The following PHF20 variants were observed in gnomAD, a reference collection of about 807,000 sequenced individuals.
PHF20 encodes the protein PHD finger protein 20, also known as glioma-expressed antigen 2.
In PHF20, 23 loss-of-function variants were observed where a neutral mutation model predicts 113.5. That is an observed-to-expected ratio of 0.20 (90% CI 0.15 to 0.29). PHF20 has a LOEUF of 0.29. Ranked by LOEUF, PHF20 falls within the 10% of genes least tolerant of loss-of-function variation. PHF20 has a pLI of 1.00. For synonymous variants in PHF20, 434 were observed against 457.3 expected, an observed-to-expected ratio of 0.95 and a Z score of 0.65; for missense variants, 943 against 1,219.6, an observed-to-expected ratio of 0.77 and a Z score of 3.38.
chr20:35,801,666 T>TA (rs576049188), intron 2 of PHF20, 61 bp downstream of exon 2: 368 of 1,069,238 alleles, frequency 3.4e-4, no homozygotes, highest in Non-Finnish European at 4.4e-4. Flanking sequence ...CCAGCACTGA[T>TA]AGAGTGGTAG....
At chr20:35,872,025 T>A (rs2054431883) in intron 9 of PHF20, 196 bp downstream of exon 9, 2 of 381,858 alleles carry the variant, frequency 5.2e-6, no homozygotes, top group Admixed American at 4.5e-5. Context: ...ACTAGGGCTT[T>A]ATCTATTTTG....
At chr20:35,932,727 G>A (rs1462375285) in intron 15 of PHF20, among the ~76,000 whole-genome samples, 3 of 152,046 alleles carry the variant, frequency 2.0e-5, no homozygotes, top group East Asian at 3.9e-4. Flanking sequence ...CACTGCACCC[G>A]GCCCCATCTT....
chr20:35,847,960 G>A (rs943244967), intron 4 of PHF20, among the ~76,000 whole-genome samples: 2 of 152,228 alleles, frequency 1.3e-5, no homozygotes, highest in East Asian at 1.9e-4. Flanking sequence ...GACTAATAGA[G>A]GCTCAATTTT....
At chr20:35,896,284 G>T (rs764931985) in intron 9 of PHF20, among the ~76,000 whole-genome samples, 39 of 151,936 alleles carry the variant, frequency 2.6e-4, no homozygotes, top group Non-Finnish European at 4.4e-4. Flanking sequence ...AGGTTTAACA[G>T]GCTACCTGCT....
intron 1 of PHF20, among the ~76,000 whole-genome samples, chr20:35,781,302 TC>T (rs1453829170): frequency 6.6e-6 from 1 of 151,674 alleles, no homozygotes; most frequent in African/African-American, 2.4e-5. Flanking sequence ...CACCACCACA[TC>T]CGGCTAATTT....
At chr20:35,859,609 A>G (rs1042293764) in intron 5 of PHF20, among the ~76,000 whole-genome samples, 19 of 151,582 alleles carry the variant, frequency 1.3e-4, no homozygotes, top group African/African-American at 4.6e-4. Context: ...CAGTGGCGCA[A>G]TCTTGGCCCA....
chr20:35,801,775 G>C, intron 2 of PHF20, 170 bp downstream of exon 2: 1 of 555,412 alleles, frequency 1.8e-6, no homozygotes, highest in Non-Finnish European at 3.3e-6. Flanking sequence ...CAGTGTCAGG[G>C]TGACTGTCCT....
intron 10 of PHF20, among the ~76,000 whole-genome samples, chr20:35,910,937 G>T (rs908795394): frequency 1.3e-5 from 2 of 151,822 alleles, no homozygotes; most frequent in African/African-American, 4.8e-5. Context: ...TTTTCATTTT[G>T]CAGACTATTG....
intron 15 of PHF20, among the ~76,000 whole-genome samples, chr20:35,932,538 C>G (rs2055780219): frequency 6.8e-6 from 1 of 146,450 alleles, no homozygotes; most frequent in Non-Finnish European, 1.5e-5. Flanking sequence ...TCAAGTGATT[C>G]TCCTGCCTCA....
At chr20:35,856,215 CTA>C (rs944789358) in intron 4 of PHF20, 7 of 152,138 alleles carry the variant, frequency 4.6e-5, no homozygotes, top group African/African-American at 1.4e-4. Flanking sequence ...CAAAGTTTGT[CTA>C]TGTCTTGCTA....
At position 35,924,320 on chromosome 20, in the gene PHF20, G is replaced by C. The variant is rs187679690; in HGVS notation, c.2005-3460G>C. Among the ~76,000 whole-genome samples the C allele has an allele frequency of 4.8e-3, 727 of 150,326 alleles. 2 individuals carry two copies. The highest frequency in any genetic ancestry group is 8.2e-3 in the Non-Finnish European group (557 of 67,666). Reference sequence around the variant, plus strand: ...AGTGATTCTCCTGCCTCAGCCTCCCGAGTAGCTGGGATTACAGGCATGCAC... The same window carrying C: ...AGTGATTCTCCTGCCTCAGCCTCCCCAGTAGCTGGGATTACAGGCATGCAC... On this transcript the variant is annotated intron_variant, in intron 13 of 17. Coordinates refer to ENST00000374012, the MANE Select transcript of PHF20 (RefSeq NM_016436.5).
At chr20:35,925,220 T>C (rs1227577413) in intron 13 of PHF20, among the ~76,000 whole-genome samples, 1 of 152,022 alleles carries the variant, frequency 6.6e-6, no homozygotes, top group Non-Finnish European at 1.5e-5. Flanking sequence ...TTTAGAATTT[T>C]TTCTAGTTCT....
chr20:35,789,825 C>T (rs904216713), intron 1 of PHF20, among the ~76,000 whole-genome samples: 6 of 136,904 alleles, frequency 4.4e-5, no homozygotes, highest in Admixed American at 2.4e-4. Context: ...GGATTGCAGG[C>T]GTGAGCCATG....
At chr20:35,782,257 G>GTTTTTTTTTTTTTTT (rs1398951271) in intron 1 of PHF20, 1 of 64,110 alleles carries the variant, frequency 1.6e-5, no homozygotes, top group Non-Finnish European at 3.6e-5. Flanking sequence ...TCTTTTTCTT[G>GTTTTTTTTTTTTTTT]TTTTGTTTTT....
intron 1 of PHF20, among the ~76,000 whole-genome samples, chr20:35,797,261 C>G (rs1055568249): frequency 3.3e-5 from 5 of 151,654 alleles, no homozygotes; most frequent in Admixed American, 1.3e-4. Context: ...GCCTGTAATC[C>G]CAGCACTTTG....
chr20:35,844,426 T>TG (rs796259122), intron 3 of PHF20, among the ~76,000 whole-genome samples: 7 of 150,092 alleles, frequency 4.7e-5, no homozygotes, highest in African/African-American at 1.7e-4. Flanking sequence ...GGTTTTTTTT[T>TG]TTTTTGATAA....
chr20:35,793,829 C>G (rs931708146), intron 1 of PHF20, among the ~76,000 whole-genome samples: 2 of 148,450 alleles, frequency 1.3e-5, no homozygotes, highest in Non-Finnish European at 3.0e-5. Flanking sequence ...GAAACACTGT[C>G]TCTACTAAAA....
chr20:35,831,328 T>A (rs900495230), intron 2 of PHF20, among the ~76,000 whole-genome samples: 3 of 152,212 alleles, frequency 2.0e-5, no homozygotes, highest in Admixed American at 6.5e-5. Context: ...TCTGGCTAAT[T>A]AAAAAAATTT....
At chr20:35,834,142 A>G (rs568870720) in intron 2 of PHF20, among the ~76,000 whole-genome samples, 1 of 151,554 alleles carries the variant, frequency 6.6e-6, no homozygotes, top group African/African-American at 2.4e-5. Flanking sequence ...AGCAGCAGAA[A>G]CCCAGACTGT....
Sources: gnomAD v4.1 joint callset for allele counts (sites outside exome capture counted in the v4.1 genomes callset) on GRCh38, gnomAD v4.1.1 for gene constraint, MANE v1.5 for transcripts, NCBI Gene and HGNC (gene_info 2026-07-23, HGNC 2026-07-21) for gene names.